Variants in GALNTL5 observed in about 807,000 individuals in gnomAD.
The protein encoded by GALNTL5 is polypeptide N-acetylgalactosaminyltransferase like 5.
GALNTL5 carries 44 observed loss-of-function variants against 51.0 expected under a neutral mutation model. The ratio of observed to expected loss-of-function variants is 0.86; its 90% confidence interval spans 0.68 to 1.11. GALNTL5 has a LOEUF of 1.11. GALNTL5 is among the 50% of genes least tolerant of loss of function. The probability of loss-of-function intolerance (pLI) is 0.00; values close to 1 mark genes in which losing one functional copy is unlikely to be tolerated. For synonymous variants in GALNTL5, 192 were observed against 182.8 expected, an observed-to-expected ratio of 1.05 and a Z score of -0.41; for missense variants, 528 against 531.8, an observed-to-expected ratio of 0.99 and a Z score of 0.07.
At chr7:151,981,051 A>G (rs1263861643) in intron 3 of GALNTL5, among the ~76,000 whole-genome samples, 1 of 152,060 alleles carries the variant, frequency 6.6e-6, no homozygotes, top group East Asian at 1.9e-4. Flanking sequence ...GGCCACAATG[A>G]TTTTTTTATT....
At chr7:151,967,089 T>C in intron 1 of GALNTL5, 119 bp from the exon 2 acceptor site, 1 of 606,450 alleles carries the variant, frequency 1.6e-6, no homozygotes, top group Non-Finnish European at 2.9e-6. Flanking sequence ...TTTATGTATA[T>C]GATAAGGGCC....
rs959983905 is a variant in GALNTL5, at chr7:152,000,561, T to C, written c.659-2153T>C. Among the ~76,000 whole-genome samples, 13 of 152,298 alleles carry C rather than the reference T, an allele frequency of 8.5e-5. No individual in the cohort carries two copies. In the South Asian group the frequency reaches 2.7e-3, roughly 32 times the overall value. On this transcript the variant is annotated intron_variant, in intron 5 of 8. Transcript: ENST00000392800. ...AGCACTGGACAAGTGTTTCAATTTCTCCACCACCTCCCCAACACTTGCTAT... is the reference window on the plus strand; with the variant it reads ...AGCACTGGACAAGTGTTTCAATTTCCCCACCACCTCCCCAACACTTGCTAT...
chr7:151,987,283 T>C lies in GALNTL5; in HGVS notation c.658+2T>C. On this transcript the variant is annotated splice_donor_variant, in intron 5 of 8. Coordinates refer to ENST00000392800, the MANE Select transcript of GALNTL5 (RefSeq NM_145292.4). LOFTEE classifies it high-confidence loss of function. ...TGATTGGAGCTTCTCATGCTTCAGG[T>C]AGGAACATTCCTGGGGACAAGAGCC... 1 of 1,569,826 alleles carries C rather than the reference T, an allele frequency of 6.4e-7. No homozygotes were observed. The highest frequency in any genetic ancestry group is 8.6e-7 in the Non-Finnish European group (1 of 1,165,788).
intron 5 of GALNTL5, among the ~76,000 whole-genome samples, chr7:151,988,715 C>T (rs1430019123): frequency 7.0e-6 from 1 of 143,234 alleles, no homozygotes. Context: ...ATTTATTTTA[C>T]TTTTTTTTTT....
intron 5 of GALNTL5, among the ~76,000 whole-genome samples, chr7:151,999,301 T>G (rs1434410888): frequency 2.0e-5 from 3 of 152,148 alleles, no homozygotes; most frequent in Non-Finnish European, 4.4e-5. Context: ...TTCCCTCTTT[T>G]GGCTGTTGTC....
intron 5 of GALNTL5, among the ~76,000 whole-genome samples, chr7:151,990,454 G>A (rs535675983): frequency 1.8e-3 from 273 of 150,388 alleles, no homozygotes; most frequent in African/African-American, 6.3e-3. Context: ...GGTGGCGGGC[G>A]CCTGTAGTCC....
At chr7:151,981,929 T>G (rs1304631894) in intron 3 of GALNTL5, among the ~76,000 whole-genome samples, 1 of 151,054 alleles carries the variant, frequency 6.6e-6, no homozygotes, top group Non-Finnish European at 1.5e-5. Flanking sequence ...ATTACAGACA[T>G]GAGCCACTGT....
At chr7:152,008,836 T>A (rs1388937328) in intron 7 of GALNTL5, among the ~76,000 whole-genome samples, 1 of 152,196 alleles carries the variant, frequency 6.6e-6, no homozygotes, top group Non-Finnish European at 1.5e-5. Context: ...TTTTATTCTG[T>A]TTAGTTGATT....
chr7:151,958,451 C>G (rs35605189), intron 1 of GALNTL5, among the ~76,000 whole-genome samples: 9,035 of 152,276 alleles, frequency 0.059, 366 homozygotes, highest in African/African-American at 0.1. Flanking sequence ...GTCCCAAGGT[C>G]TGAGCCCCCA....
At chr7:151,969,599 T>C (rs1428673728) in intron 2 of GALNTL5, among the ~76,000 whole-genome samples, 1 of 152,136 alleles carries the variant, frequency 6.6e-6, no homozygotes, top group Non-Finnish European at 1.5e-5. Context: ...GGTCACCATC[T>C]TCCCGGATGT....
At chr7:151,989,159 T>C (rs1179821125) in intron 5 of GALNTL5, among the ~76,000 whole-genome samples, 5 of 143,766 alleles carry the variant, frequency 3.5e-5, no homozygotes, top group Non-Finnish European at 7.6e-5. Context: ...ATTTTTTCTC[T>C]TTTTTTTTTT....
intron 7 of GALNTL5, among the ~76,000 whole-genome samples, chr7:152,008,254 T>A (rs1159057622): frequency 7.0e-6 from 1 of 142,842 alleles, no homozygotes; most frequent in African/African-American, 2.6e-5. Flanking sequence ...ATCTCTACTT[T>A]TTTTTTTTAT....
intron 7 of GALNTL5, among the ~76,000 whole-genome samples, chr7:152,010,365 C>T (rs1200187926): frequency 1.3e-5 from 2 of 152,116 alleles, no homozygotes; most frequent in African/African-American, 4.8e-5. Context: ...CCTGCCTCGG[C>T]CTCCCAAAGT....
At chr7:152,016,241 C>CAA (rs1353781399) in intron 8 of GALNTL5, among the ~76,000 whole-genome samples, 1 of 151,996 alleles carries the variant, frequency 6.6e-6, no homozygotes, top group Non-Finnish European at 1.5e-5. Flanking sequence ...GCCATCTCTA[C>CAA]TAAAAATACA....
At chr7:152,016,398 C>T (rs1163292972) in intron 8 of GALNTL5, among the ~76,000 whole-genome samples, 1 of 150,608 alleles carries the variant, frequency 6.6e-6, no homozygotes, top group Non-Finnish European at 1.5e-5. Context: ...GAGCAAAACT[C>T]CGTCTCAAAA....
intron 7 of GALNTL5, among the ~76,000 whole-genome samples, chr7:152,014,104 C>G (rs890606320): frequency 9.2e-5 from 14 of 152,188 alleles, no homozygotes; most frequent in African/African-American, 3.1e-4. Context: ...TAAATTTGAA[C>G]CTTGTACTCT....
chr7:151,983,263 T>C (rs1289702187), intron 4 of GALNTL5, 111 bp downstream of exon 4: 32 of 890,302 alleles, frequency 3.6e-5, no homozygotes, highest in Admixed American at 2.3e-4. Context: ...CTGCAACCTC[T>C]GCCTCCTGAG....
chr7:151,996,548 T>C (rs1289034603), intron 5 of GALNTL5, among the ~76,000 whole-genome samples: 1 of 152,154 alleles, frequency 6.6e-6, no homozygotes, highest in African/African-American at 2.4e-5. Flanking sequence ...GAGACCAGCC[T>C]GGGAAACATG....
chr7:151,994,850 C>A (rs2081476615), intron 5 of GALNTL5: 1 of 92,044 alleles, frequency 1.1e-5, no homozygotes, highest in South Asian at 3.1e-4. Flanking sequence ...CTCCGCCTCC[C>A]GGGTTCACAC....
Sources: gnomAD v4.1 joint callset for allele counts (sites outside exome capture counted in the v4.1 genomes callset) on GRCh38, gnomAD v4.1.1 for gene constraint, MANE v1.5 for transcripts, NCBI Gene and HGNC (gene_info 2026-07-23, HGNC 2026-07-21) for gene names.